Variants in THNSL1 observed in about 807,000 individuals in gnomAD.
The protein encoded by THNSL1 is threonine synthase like 1.
THNSL1 carries 48 observed loss-of-function variants against 50.4 expected under a neutral mutation model. The observed-to-expected ratio is 0.95, with a 90% CI of 0.76 to 1.21. The LOEUF (loss-of-function observed/expected upper bound fraction) is 1.21, where lower values mean the gene tolerates loss of function less well. THNSL1 is among the 50% of genes most tolerant of loss of function. The probability of loss-of-function intolerance (pLI) is 0.00; values close to 1 mark genes in which losing one functional copy is unlikely to be tolerated. For synonymous variants in THNSL1, 309 were observed against 306.1 expected (o/e 1.01, Z -0.10); for missense variants, 896 against 871.7 (o/e 1.03, Z -0.35).
At chr10:25,009,258 A>T in the THNSL1 span, among the ~76,000 whole-genome samples, 1 of 151,826 alleles carries the variant, frequency 6.6e-6, no homozygotes, top group Non-Finnish European at 1.5e-5. Context: ...AGTATAATAA[A>T]AAAAAAAGTA....
At chr10:24,959,408 A>G in the THNSL1 span, among the ~76,000 whole-genome samples, 2 of 152,214 alleles carry the variant, frequency 1.3e-5, no homozygotes, top group African/African-American at 4.8e-5. Context: ...AGAGGTTGAG[A>G]GATGTGGCTT....
chr10:25,018,258 A>T (rs1415975097), intron 1 of THNSL1, among the ~76,000 whole-genome samples: 1 of 152,202 alleles, frequency 6.6e-6, no homozygotes, highest in Non-Finnish European at 1.5e-5. Flanking sequence ...TTGCCTTTTG[A>T]AAGTGTGTTT....
intron 1 of THNSL1, among the ~76,000 whole-genome samples, chr10:25,020,520 A>G (rs1297979889): frequency 2.6e-5 from 4 of 152,052 alleles, no homozygotes; most frequent in African/African-American, 4.8e-5. Context: ...TAATCCCAGC[A>G]CTTTGGGAGG....
chr10:24,985,010 G>GA, the THNSL1 span: 6 of 889,560 alleles, frequency 6.7e-6, no homozygotes, highest in East Asian at 7.6e-5. Context: ...AAAAGAAACT[G>GA]ACAAAAATAA....
chr10:24,988,694 A>G, the THNSL1 span, among the ~76,000 whole-genome samples: 127 of 33,954 alleles, frequency 3.7e-3, 6 homozygotes, highest in African/African-American at 0.015. Context: ...ATATATATAT[A>G]TATATATATA....
the THNSL1 span, among the ~76,000 whole-genome samples, chr10:24,978,467 CCTCT>C: frequency 1.3e-4 from 20 of 149,366 alleles, no homozygotes; most frequent in Non-Finnish European, 2.7e-4. Context: ...TCTCTCTTTC[CCTCT>C]CTTTCTCTGT....
chr10:25,010,138 G>T, the THNSL1 span, among the ~76,000 whole-genome samples: 1 of 152,152 alleles, frequency 6.6e-6, no homozygotes, highest in Non-Finnish European at 1.5e-5. Flanking sequence ...TGTTGAATGG[G>T]TTTGACCAGA....
the THNSL1 span, among the ~76,000 whole-genome samples, chr10:24,996,358 G>T: frequency 2.6e-5 from 4 of 152,080 alleles, no homozygotes; most frequent in Non-Finnish European, 5.9e-5. Flanking sequence ...GGAGGCGGAG[G>T]TTGCAGTGAA....
At chr10:24,985,040 TTATCA>T in the THNSL1 span, 1 of 757,996 alleles carries the variant, frequency 1.3e-6, no homozygotes, top group Non-Finnish European at 2.1e-6. Context: ...TGAAATGTAT[TTATCA>T]AGTACTTGGC....
intron 1 of THNSL1, among the ~76,000 whole-genome samples, chr10:25,019,719 A>G (rs1850679845): frequency 6.6e-6 from 1 of 152,220 alleles, no homozygotes; most frequent in African/African-American, 2.4e-5. Context: ...CTAATTATCC[A>G]ATATCCCTCT....
the THNSL1 span, among the ~76,000 whole-genome samples, chr10:24,968,017 G>GTT: frequency 1.3e-5 from 2 of 151,662 alleles, no homozygotes; most frequent in African/African-American, 4.8e-5. Flanking sequence ...GTGTGTGTGT[G>GTT]TGTGTGTGTG....
chr10:25,024,899 C>A lies in THNSL1; in HGVS notation c.1676C>A (p.Thr559Asn), dbSNP rs763505682. The change falls in exon 3 of 3, where the codon ACC becomes AAC. Residue 559 changes from threonine to asparagine, a missense_variant. Transcript: ENST00000376356. ...CTAAGGGAAAGAAAACTAGCACAAA[C>A]CTTTTCACCGTCAATAGATATTCTC... ...YDLRERKLAQ[T>N]FSPSIDILKS... is the part of the protein sequence containing the mutation. The A allele has an allele frequency of 1.2e-6, 2 of 1,613,830 alleles. No homozygotes were observed. Among genetic ancestry groups the A allele is most frequent in the South Asian group, 2.2e-5 (2 of 91,060 alleles).
chr10:24,996,413 C>T, the THNSL1 span, among the ~76,000 whole-genome samples: 2 of 150,776 alleles, frequency 1.3e-5, no homozygotes, highest in South Asian at 4.2e-4. Context: ...CGGAGTGAGA[C>T]TCTGTCTCAA....
intron 1 of THNSL1, among the ~76,000 whole-genome samples, chr10:25,017,298 G>T (rs1850621867): frequency 6.6e-6 from 1 of 152,240 alleles, no homozygotes; most frequent in South Asian, 2.1e-4. Context: ...ATGCACATGG[G>T]CCTGCCGTAG....
the THNSL1 span, among the ~76,000 whole-genome samples, chr10:24,973,466 G>C: frequency 6.6e-6 from 1 of 152,012 alleles, no homozygotes; most frequent in Non-Finnish European, 1.5e-5. Context: ...AAAACATATG[G>C]ATTGCTATTT....
chr10:24,962,286 A>C, the THNSL1 span, among the ~76,000 whole-genome samples: 2 of 152,218 alleles, frequency 1.3e-5, no homozygotes, highest in African/African-American at 4.8e-5. Context: ...CTGTCTAGTT[A>C]GTATAAATAG....
At chr10:24,968,671 A>G in the THNSL1 span, among the ~76,000 whole-genome samples, 1 of 152,272 alleles carries the variant, frequency 6.6e-6, no homozygotes, top group East Asian at 1.9e-4. Flanking sequence ...AAGTGAATTC[A>G]GTACTGCCTG....
At position 25,023,249 on chromosome 10, in the gene THNSL1, A is replaced by G; in HGVS notation, c.26A>G (p.His9Arg). The G allele has an allele frequency of 6.2e-7, 1 of 1,612,746 alleles. No individual in the cohort carries two copies. Among genetic ancestry groups the G allele is most frequent in the East Asian group, 2.2e-5 (1 of 44,872 alleles). Residue 9 changes from histidine to arginine, a missense_variant, in exon 3 of 3, where the codon CAT becomes CGT. By Grantham distance (29) the His-to-Arg change is conservative. Coordinates refer to ENST00000376356, the MANE Select transcript of THNSL1 (RefSeq NM_024838.5). ...ATGCTCCACTTTAACCGATGTCATC[A>G]TCTGAAAAAGATAACACAGAAATGT... MLHFNRCH[H>R]LKKITQKCFS...
At chr10:25,016,788 T>G (rs1247973895) in intron 1 of THNSL1, 96 bp downstream of exon 1, 1 of 152,538 alleles carries the variant, frequency 6.6e-6, no homozygotes, top group Non-Finnish European at 1.5e-5. Flanking sequence ...GAGATTTCCT[T>G]GGTGAGTTAT....
Sources: gnomAD v4.1 joint callset for allele counts (sites outside exome capture counted in the v4.1 genomes callset) on GRCh38, gnomAD v4.1.1 for gene constraint, MANE v1.5 for transcripts, NCBI Gene and HGNC (gene_info 2026-07-23, HGNC 2026-07-21) for gene names.